The following TCF7L2 variants were observed in gnomAD, a reference collection of about 807,000 sequenced individuals.
TCF7L2 encodes the protein transcription factor 7-like 2.
Under a neutral mutation model 77.9 loss-of-function variants are expected in TCF7L2, and 23 were observed. That is an observed-to-expected ratio of 0.30 (90% CI 0.21 to 0.42). The LOEUF (loss-of-function observed/expected upper bound fraction) is 0.42. Ranked by LOEUF, TCF7L2 falls within the 10% of genes least tolerant of loss-of-function variation. TCF7L2 has a pLI of 1.00. For synonymous variants in TCF7L2, 413 were observed against 340.2 expected (o/e 1.21, Z -2.36); for missense variants, 654 against 793.1 (o/e 0.82, Z 2.11).
At chr10:112,976,485 ATTGTGTCTTACTC>A (rs2039447186) in intron 4 of TCF7L2, among the ~76,000 whole-genome samples, 1 of 152,140 alleles carries the variant, frequency 6.6e-6, no homozygotes, top group South Asian at 2.1e-4. Flanking sequence ...AAGGGCTAAG[ATTGTGTCTTACTC>A]AGAGATTGTG....
Position 113,151,973 on chromosome 10 carries a change from C to G in TCF7L2, c.1161+89C>G, listed in dbSNP as rs367846286. On this transcript the variant is annotated intron_variant, in intron 10 of 13. Transcript: ENST00000627217. The surrounding 1 kb of genome is among the most constrained non-coding windows in gnomAD (Gnocchi z 5.2). Reference sequence around the variant, plus strand: ...TCAGGTGGCAGAATGTCTCTGTCCCCATTTCTTTGGAGAATTCTTGCCCTT... The same window carrying G: ...TCAGGTGGCAGAATGTCTCTGTCCCGATTTCTTTGGAGAATTCTTGCCCTT... The G allele has an allele frequency of 1.3e-6, 2 of 1,499,350 alleles. No homozygotes were observed. 92.9% of individuals were successfully genotyped at this position (1,499,350 alleles called of 1,614,324 possible).
chr10:113,150,171 T>G (rs578044764), intron 8 of TCF7L2, among the ~76,000 whole-genome samples: 1 of 152,348 alleles, frequency 6.6e-6, no homozygotes, highest in South Asian at 2.1e-4. Context: ...ATCTTTCATT[T>G]ATAATTTTGA....
intron 13 of TCF7L2, chr10:113,161,440 T>A: frequency 3.4e-6 from 3 of 877,080 alleles, no homozygotes; most frequent in Non-Finnish European, 5.4e-6. Context: ...CCTGCAGGTC[T>A]CCATCCAGCC....
intron 4 of TCF7L2, among the ~76,000 whole-genome samples, chr10:113,039,781 T>G (rs1461921146): frequency 1.3e-5 from 2 of 152,192 alleles, no homozygotes; most frequent in African/African-American, 2.4e-5. Flanking sequence ...CCCTGTACTT[T>G]GAATGCAAAG....
chr10:113,099,145 T>C (rs1352509797), intron 5 of TCF7L2, among the ~76,000 whole-genome samples: 1 of 151,752 alleles, frequency 6.6e-6, no homozygotes, highest in East Asian at 1.9e-4. Flanking sequence ...TGGAACCCTT[T>C]GTGGATTTAT....
intron 11 of TCF7L2, among the ~76,000 whole-genome samples, chr10:113,155,614 A>G (rs1227158028): frequency 6.6e-6 from 1 of 152,260 alleles, no homozygotes; most frequent in Non-Finnish European, 1.5e-5. Flanking sequence ...ATGCCTTCAC[A>G]GTATATTGCA....
chr10:112,951,586 G>T lies in TCF7L2; in HGVS notation c.360G>T (p.Ser120=). 1 of 1,342,494 alleles carries T rather than the reference G, an allele frequency of 7.4e-7. No homozygotes were observed. Among genetic ancestry groups the T allele is most frequent in the Non-Finnish European group, 9.8e-7 (1 of 1,018,654 alleles). 83.2% of individuals were successfully genotyped at this position (1,342,494 alleles called of 1,614,324 possible). The change falls in exon 3 of 14, where the codon TCG becomes TCT. Residue 120 remains serine, a synonymous_variant. Transcript: ENST00000627217. ...CGAGCCCCTACCTCCCCAACGGATC[G>T]CTCTCGCCCACCGCCCGAACCGTAA...
chr10:112,967,084 G>T (rs11196172), intron 4 of TCF7L2, among the ~76,000 whole-genome samples: 1 of 152,124 alleles, frequency 6.6e-6, no homozygotes, highest in Non-Finnish European at 1.5e-5. Context: ...GGGAAAAGAA[G>T]GGGAAAGCTT....
chr10:112,999,970 C>T (rs1392499902), intron 4 of TCF7L2, among the ~76,000 whole-genome samples: 3 of 152,120 alleles, frequency 2.0e-5, no homozygotes, highest in Non-Finnish European at 2.9e-5. Flanking sequence ...CTGTTTATGG[C>T]CTGTAGGATG....
chr10:112,993,361 C>G lies in TCF7L2; in HGVS notation c.450+28737C>G, dbSNP rs370584692. Among the ~76,000 whole-genome samples, 5 of 151,882 alleles carry G rather than the reference C, an allele frequency of 3.3e-5. No individual in the cohort carries two copies. In the East Asian group the frequency reaches 9.8e-4, roughly 30 times the overall value. On this transcript the variant is annotated intron_variant, in intron 4 of 13. Transcript: ENST00000627217. ...TCTCTACTAAAAATACAAAAATTAG[C>G]TGGGTGTGGTCGTGGGCACCTGTAG...
At chr10:113,066,179 A>G (rs374649233) in intron 5 of TCF7L2, among the ~76,000 whole-genome samples, 8 of 152,140 alleles carry the variant, frequency 5.3e-5, no homozygotes, top group Admixed American at 3.3e-4. Context: ...CCTGGCTAAC[A>G]TGGTGAAACC....
rs1491125956 is a variant in TCF7L2 at position 113,118,665 on chromosome 10, T to TG, written c.553-22519_553-22518insG. On this transcript the variant is annotated intron_variant, in intron 5 of 13. Coordinates refer to ENST00000627217, the MANE Select transcript of TCF7L2 (RefSeq NM_001146274.2). ...GAAGTTTTTTTTTTGTTTTTTTTTG[T>TG]TTTTTTTTTTTTGTTTTTTTTATTT... is the stretch of plus-strand genomic sequence containing the variant. 1.3e-4 allele frequency among the ~76,000 whole-genome samples: 7 copies of TG among 53,100 alleles called. No individual in the cohort carries two copies. The East Asian group carries it at 0.021, about 156-fold the overall frequency. 34.8% of individuals were successfully genotyped at this position (53,100 alleles called of 152,430 possible).
chr10:113,101,737 G>A (rs1052611340), intron 5 of TCF7L2, among the ~76,000 whole-genome samples: 5 of 151,090 alleles, frequency 3.3e-5, no homozygotes, highest in Non-Finnish European at 5.9e-5. Flanking sequence ...CAGCTACTTG[G>A]GAGGCTGAGG....
chr10:112,963,176 A>G (rs61875105), intron 3 of TCF7L2, among the ~76,000 whole-genome samples: 9,845 of 152,236 alleles, frequency 0.065, 379 homozygotes, highest in Non-Finnish European at 0.089. Flanking sequence ...GCATCCTAAA[A>G]TGGATATTTA....
At chr10:113,017,041 GAT>G (rs1383415536) in intron 4 of TCF7L2, among the ~76,000 whole-genome samples, 1 of 152,086 alleles carries the variant, frequency 6.6e-6, no homozygotes, top group Non-Finnish European at 1.5e-5. Context: ...TTGTACCAGC[GAT>G]ATCTCTTCTC....
intron 4 of TCF7L2, among the ~76,000 whole-genome samples, chr10:113,019,070 G>T (rs2047845730): frequency 6.6e-6 from 1 of 152,216 alleles, no homozygotes; most frequent in South Asian, 2.1e-4. Context: ...TGTCCTGGCA[G>T]ATAGAGAAGG....
intron 3 of TCF7L2, among the ~76,000 whole-genome samples, chr10:112,960,133 C>T (rs1314661218): frequency 6.6e-6 from 1 of 152,018 alleles, no homozygotes; most frequent in African/African-American, 2.4e-5. Context: ...CTGGAAAAAC[C>T]AACAGAGGAT....
rs552172059 is a variant in TCF7L2, at chr10:113,131,845, C to T, written c.553-9339C>T. On this transcript the variant is annotated intron_variant, in intron 5 of 13. Coordinates refer to ENST00000627217, the MANE Select transcript of TCF7L2 (RefSeq NM_001146274.2). ...AAATCCTGACATGCCCTCCAGATTA[C>T]GTAGTTCTGCACACATTTGAGGATT... 7.2e-5 allele frequency among the ~76,000 whole-genome samples: 11 copies of T among 152,266 alleles called. 1 individual carries two copies. In the South Asian group the frequency reaches 2.1e-3, roughly 29 times the overall value.
In TCF7L2 at chr10:113,138,034, G is replaced by C. The variant is rs534062255; in HGVS notation, c.553-3150G>C. ...AGGTAGAGGCAGGTTGGCTGGAGTG[G>C]CAATTAGTCCCTGGTTTTGGCAGGT... is the stretch of plus-strand genomic sequence containing the variant. On this transcript the variant is annotated intron_variant, in intron 5 of 13. Coordinates refer to ENST00000627217, the MANE Select transcript of TCF7L2 (RefSeq NM_001146274.2). Among the ~76,000 whole-genome samples the C allele has an allele frequency of 9.1e-4, 138 of 152,288 alleles. 3 individuals are homozygous for C. In the South Asian group the frequency reaches 0.028, roughly 31 times the overall value.
Sources: allele counts gnomAD v4.1 joint callset (sites outside exome capture counted in the v4.1 genomes callset), GRCh38; gene constraint gnomAD v4.1.1; non-coding constraint Gnocchi (gnomAD v3.1); transcripts MANE v1.5; gene names NCBI Gene and HGNC (gene_info 2026-07-23, HGNC 2026-07-21).